The following RELL1 variants were observed in gnomAD, a reference collection of about 807,000 sequenced individuals.
RELL1 encodes the protein RELT like 1, also known as RELT-like protein 1.
Under a neutral mutation model 23.0 loss-of-function variants are expected in RELL1, and 10 were observed. That is an observed-to-expected ratio of 0.43 (90% CI 0.27 to 0.74). The LOEUF (loss-of-function observed/expected upper bound fraction) is 0.74, where lower values mean the gene tolerates loss of function less well. Among genes scored for constraint, RELL1 ranks in the 30% least tolerant of loss-of-function variants. RELL1 has a pLI of 0.19. For synonymous variants in RELL1, 146 were observed against 146.8 expected, an observed-to-expected ratio of 0.99 and a Z score of 0.04; for missense variants, 315 against 364.4, an observed-to-expected ratio of 0.86 and a Z score of 1.10.
chr4:37,614,527 T>C (rs1259203716), intron 6 of RELL1, among the ~76,000 whole-genome samples: 3 of 152,092 alleles, frequency 2.0e-5, no homozygotes, highest in African/African-American at 7.2e-5. Context: ...TTGCCAAAAC[T>C]GTACAAGAAC....
At chr4:37,588,999 G>A (rs893462076), downstream of RELL1, 19 of 871,450 alleles carry the variant, frequency 2.2e-5, no homozygotes, top group East Asian at 4.4e-4. Context: ...TATCCAGCTT[G>A]GGGCATGATC....
At chr4:37,596,736 A>ATTT (rs1178565372) in intron 6 of RELL1, among the ~76,000 whole-genome samples, 3 of 16,506 alleles carry the variant, frequency 1.8e-4, no homozygotes, top group Non-Finnish European at 3.0e-4. Context: ...ATATATATAT[A>ATTT]TTTTTTTTTT....
chr4:37,653,831 C>T (rs1721033046), intron 1 of RELL1, among the ~76,000 whole-genome samples: 1 of 152,210 alleles, frequency 6.6e-6, no homozygotes, highest in African/African-American at 2.4e-5. Flanking sequence ...GAAGCCTAAG[C>T]TTCCCTGTGG....
At chr4:37,638,362 T>C in intron 4 of RELL1, 85 bp downstream of exon 4, 1 of 1,080,378 alleles carries the variant, frequency 9.3e-7, no homozygotes, top group South Asian at 1.4e-5. Context: ...AAACCTGCTC[T>C]AGCAGAAGAG....
chr4:37,593,067 C>T (rs1718692196), intron 6 of RELL1, among the ~76,000 whole-genome samples: 1 of 152,210 alleles, frequency 6.6e-6, no homozygotes, highest in Admixed American at 6.5e-5. Context: ...CCTCTATATA[C>T]AGGGTCACTC....
chr4:37,677,005 C>T (rs533362942), intron 1 of RELL1, among the ~76,000 whole-genome samples: 2 of 152,302 alleles, frequency 1.3e-5, no homozygotes, highest in East Asian at 1.9e-4. Context: ...TACAGGACAC[C>T]GAACCTTTCT....
At chr4:37,654,389 A>G (rs1235678088) in intron 1 of RELL1, among the ~76,000 whole-genome samples, 3 of 152,248 alleles carry the variant, frequency 2.0e-5, no homozygotes, top group African/African-American at 7.2e-5. Context: ...TGCATTATAA[A>G]GAATAGCTAA....
chr4:37,665,603 C>G (rs1721505492), intron 1 of RELL1, among the ~76,000 whole-genome samples: 1 of 152,170 alleles, frequency 6.6e-6, no homozygotes, highest in South Asian at 2.1e-4. Flanking sequence ...TTGCAAGAGG[C>G]CAACCAAGAA....
intron 6 of RELL1, chr4:37,622,939 G>GGACT (rs1311907494): frequency 2.5e-6 from 1 of 403,724 alleles, no homozygotes; most frequent in Non-Finnish European, 4.8e-6. Context: ...CGAGTAGCTG[G>GGACT]GACTACAGGT....
At chr4:37,608,646 A>ATTAT (rs1553871928), downstream of RELL1, among the ~76,000 whole-genome samples, 1 of 142,170 alleles carries the variant, frequency 7.0e-6, no homozygotes, top group Non-Finnish European at 1.5e-5. Context: ...TTTAAATTTA[A>ATTAT]TTTTTTTTTT....
chr4:37,621,725 G>T (rs1416837893), intron 6 of RELL1, among the ~76,000 whole-genome samples: 1 of 152,078 alleles, frequency 6.6e-6, no homozygotes, highest in African/African-American at 2.4e-5. Flanking sequence ...TCCTTCAGTG[G>T]GTCAACTCCT....
intron 1 of RELL1, 58 bp downstream of exon 1, chr4:37,686,140 CTT>C: frequency 6.9e-7 from 1 of 1,444,712 alleles, no homozygotes; most frequent in East Asian, 2.6e-5. Context: ...CCCTCGCTTC[CTT>C]CCGCGCTCCC....
chr4:37,601,687 G>A (rs1719020697), intron 6 of RELL1, among the ~76,000 whole-genome samples: 3 of 152,218 alleles, frequency 2.0e-5, no homozygotes. Context: ...GGCAGCTCTA[G>A]GAAGTCTCAG....
At position 37,649,482 on chromosome 4, in the gene RELL1, G is replaced by A. The variant is rs1326468757; in HGVS notation, c.107C>T (p.Thr36Ile). ...LVAPDNGSSR[T>I]LHSRTETTPS... is the part of the protein sequence containing the mutation. ...GGTCGTCTCTGTTCTGGAGTGCAAT[G>A]TGCGGCTGCTCCCATTGTCTACAGA... Residue 36 changes from threonine (T) to isoleucine (I), a missense_variant, in exon 2 of 7, where the codon ACA becomes ATA. Coordinates refer to ENST00000454158, the MANE Select transcript of RELL1 (RefSeq NM_001085400.2). 1.2e-6 allele frequency: 2 copies of A among 1,613,698 alleles called. No homozygotes were observed. Among genetic ancestry groups the A allele is most frequent in the East Asian group, 2.2e-5 (1 of 44,906 alleles).
At chr4:37,652,018 C>T (rs111327733) in intron 1 of RELL1, among the ~76,000 whole-genome samples, 243 of 152,338 alleles carry the variant, frequency 1.6e-3, no homozygotes, top group African/African-American at 5.6e-3. Flanking sequence ...TGGGGCAGAG[C>T]GTCGCCAGCC....
chr4:37,668,956 G>C (rs1721655264), intron 1 of RELL1, among the ~76,000 whole-genome samples: 1 of 151,588 alleles, frequency 6.6e-6, no homozygotes, highest in Non-Finnish European at 1.5e-5. Context: ...CCCTGTCTGA[G>C]AGGTGAGGAG....
intron 1 of RELL1, among the ~76,000 whole-genome samples, chr4:37,684,064 A>G (rs1000200057): frequency 6.6e-6 from 1 of 152,240 alleles, no homozygotes; most frequent in Admixed American, 6.5e-5. Flanking sequence ...CGACAGAGCA[A>G]GACTCCGTCT....
Position 37,655,994 on chromosome 4 carries a change from C to T in RELL1, c.89-6494G>A, listed in dbSNP as rs183247922. ...ACTACCATGTGATCTAGAAATCCCA[C>T]TTCTGGGTACATATCCAAAAAAAGA... On this transcript the variant is annotated intron_variant, in intron 1 of 6. Transcript: ENST00000454158. Among the ~76,000 whole-genome samples, 11 of 152,324 alleles carry T rather than the reference C, an allele frequency of 7.2e-5. No homozygotes were observed. In the East Asian group the frequency reaches 2.1e-3, roughly 29 times the overall value.
downstream of RELL1, among the ~76,000 whole-genome samples, chr4:37,606,271 G>A (rs1443206846): frequency 6.6e-6 from 1 of 151,646 alleles, no homozygotes; most frequent in Non-Finnish European, 1.5e-5. This position sits in a 1 kb window ranked among gnomAD's most constrained non-coding sequence, Gnocchi z 4.1. Context: ...AATAGGTGGA[G>A]GAAGGAGAAA....
Sources: gnomAD v4.1 joint callset for allele counts (sites outside exome capture counted in the v4.1 genomes callset) on GRCh38, gnomAD v4.1.1 for gene constraint, Gnocchi (gnomAD v3.1) non-coding constraint, MANE v1.5 for transcripts, NCBI Gene and HGNC (gene_info 2026-07-23, HGNC 2026-07-21) for gene names.